The following GBE1 variants were observed in gnomAD, a reference collection of about 807,000 sequenced individuals.
The protein encoded by GBE1 is 1,4-alpha-glucan-branching enzyme.
Under a neutral mutation model 88.8 loss-of-function variants are expected in GBE1, and 70 were observed. That is an observed-to-expected ratio of 0.79 (90% CI 0.65 to 0.96). The LOEUF (loss-of-function observed/expected upper bound fraction) is 0.96. GBE1 is among the 40% of genes least tolerant of loss of function. GBE1 has a pLI of 0.00. For missense variants in GBE1, 872 were observed against 871.0 expected, an observed-to-expected ratio of 1.00 and a Z score of -0.01; for synonymous variants, 284 against 300.1, an observed-to-expected ratio of 0.95 and a Z score of 0.56.
At chr3:81,663,480 A>G (rs1412614716) in intron 3 of GBE1, among the ~76,000 whole-genome samples, 4 of 151,992 alleles carry the variant, frequency 2.6e-5, no homozygotes, top group Non-Finnish European at 4.4e-5. Flanking sequence ...GAAGGGCCCA[A>G]CTCCAGGGGA....
At chr3:81,658,894 A>C (rs1016426804) in intron 3 of GBE1, among the ~76,000 whole-genome samples, 3 of 152,208 alleles carry the variant, frequency 2.0e-5, no homozygotes, top group African/African-American at 7.2e-5. Context: ...GAAAAGGAAC[A>C]ATGCTGAGAT....
chr3:81,623,585 A>G lies in GBE1; in HGVS notation c.992+19196T>C, dbSNP rs1415818460. ...TTCCCAGGGTTCAGGAAGGTTGGGT[A>G]TCCAGTAGGTACTCAAACTTTTGTT... On this transcript the variant is annotated intron_variant, in intron 7 of 15. Coordinates refer to ENST00000429644, the MANE Select transcript of GBE1 (RefSeq NM_000158.4). Among the ~76,000 whole-genome samples the G allele has an allele frequency of 2.6e-5, 4 of 152,194 alleles. No individual in the cohort carries two copies. In the East Asian group the frequency reaches 7.7e-4, roughly 29 times the overall value.
chr3:81,647,042 C>T (rs868198724), intron 5 of GBE1, among the ~76,000 whole-genome samples: 25 of 151,438 alleles, frequency 1.7e-4, no homozygotes, highest in Middle Eastern at 6.8e-3. Context: ...CTGCAACCTC[C>T]ACCTCCCAGG....
At chr3:81,710,274 G>T (rs1705843476) in intron 1 of GBE1, among the ~76,000 whole-genome samples, 2 of 98,092 alleles carry the variant, frequency 2.0e-5, no homozygotes, top group Admixed American at 1.6e-4. Flanking sequence ...TCACTCTGTT[G>T]CCCAGGCTGG....
intron 12 of GBE1, among the ~76,000 whole-genome samples, chr3:81,573,769 C>CTGTG (rs1296703800): frequency 9.8e-6 from 1 of 101,828 alleles, no homozygotes; most frequent in African/African-American, 4.9e-5. Flanking sequence ...CTCTCTCTCT[C>CTGTG]TCTCTCTGTG....
intron 7 of GBE1, among the ~76,000 whole-genome samples, chr3:81,625,093 G>A (rs1248426191): frequency 6.7e-6 from 1 of 149,628 alleles, no homozygotes; most frequent in Non-Finnish European, 1.5e-5. Context: ...TGTTATGAGG[G>A]AGGGGGAGGG....
intron 14 of GBE1, among the ~76,000 whole-genome samples, chr3:81,530,157 C>T (rs1294158585): frequency 6.6e-6 from 1 of 151,820 alleles, no homozygotes; most frequent in Non-Finnish European, 1.5e-5. Context: ...CCCAGAATTT[C>T]TGCTTGATTT....
At chr3:81,665,409 G>A (rs1705099797) in intron 3 of GBE1, among the ~76,000 whole-genome samples, 1 of 151,904 alleles carries the variant, frequency 6.6e-6, no homozygotes, top group South Asian at 2.1e-4. Flanking sequence ...GGTGGCGGGC[G>A]CCTGTAGTCC....
intron 14 of GBE1, among the ~76,000 whole-genome samples, chr3:81,522,777 A>C (rs2106848746): frequency 6.6e-6 from 1 of 151,654 alleles, no homozygotes; most frequent in South Asian, 2.1e-4. Context: ...GTAACAGGCA[A>C]AATGTGGGAA....
intron 3 of GBE1, among the ~76,000 whole-genome samples, chr3:81,660,841 A>C (rs1231133411): frequency 6.6e-6 from 1 of 152,238 alleles, no homozygotes; most frequent in East Asian, 1.9e-4. Flanking sequence ...TAAATGTTTA[A>C]ATCATGAATG....
intron 2 of GBE1, among the ~76,000 whole-genome samples, chr3:81,673,198 TA>T (rs1389167588): frequency 6.6e-6 from 1 of 151,914 alleles, no homozygotes; most frequent in Non-Finnish European, 1.5e-5. Flanking sequence ...ATCTAGGTAC[TA>T]GAACACTATA....
At chr3:81,513,125 A>G (rs965129393) in intron 14 of GBE1, among the ~76,000 whole-genome samples, 1 of 151,674 alleles carries the variant, frequency 6.6e-6, no homozygotes, top group African/African-American at 2.4e-5. Context: ...ATCATTAGGG[A>G]ACATCTTCAT....
At chr3:81,498,738 G>T (rs1447211537) in intron 15 of GBE1, among the ~76,000 whole-genome samples, 1 of 152,066 alleles carries the variant, frequency 6.6e-6, no homozygotes, top group Non-Finnish European at 1.5e-5. Flanking sequence ...GTAGAAATCT[G>T]CTTAATATAA....
intron 11 of GBE1, among the ~76,000 whole-genome samples, chr3:81,580,138 C>A (rs1225389789): frequency 1.3e-5 from 2 of 152,114 alleles, no homozygotes; most frequent in African/African-American, 4.8e-5. Context: ...AATAAAGATA[C>A]TTTAAGTAAC....
At chr3:81,750,607 A>ATATGTG (rs1706501550) in intron 1 of GBE1, among the ~76,000 whole-genome samples, 1 of 80,142 alleles carries the variant, frequency 1.2e-5, no homozygotes, top group African/African-American at 7.2e-5. Flanking sequence ...ATATGTGTAT[A>ATATGTG]TATATATATG....
chr3:81,646,979 T>G (rs1704775070), intron 5 of GBE1, among the ~76,000 whole-genome samples: 1 of 146,776 alleles, frequency 6.8e-6, no homozygotes, highest in African/African-American at 2.6e-5. Flanking sequence ...TTTTTTGAGA[T>G]GGAGTCTCGC....
rs1192134058 is a variant in GBE1, at chr3:81,490,293, T to C, written c.*114A>G. On this transcript the variant is annotated 3_prime_UTR_variant, in exon 16 of 16. Coordinates refer to ENST00000429644, the MANE Select transcript of GBE1 (RefSeq NM_000158.4). ...CCAATATTGAATTTCAGACACTTGA[T>C]GGCTTGGCTAGACAACTGTATTCTG... The C allele has an allele frequency of 1.2e-6, 1 of 867,410 alleles. No individual in the cohort carries two copies. Among genetic ancestry groups the C allele is most frequent in the Non-Finnish European group, 1.9e-6 (1 of 525,158 alleles). The allele number at this position is 867,410 out of a possible 1,614,324, so 53.7% of individuals were successfully genotyped here.
At chr3:81,549,688 T>C (rs537065845) in intron 12 of GBE1, among the ~76,000 whole-genome samples, 1 of 151,558 alleles carries the variant, frequency 6.6e-6, no homozygotes, top group East Asian at 1.9e-4. Flanking sequence ...ACTTAAAAAA[T>C]AAAAGTCTTA....
chr3:81,560,215 C>T (rs999754767), intron 12 of GBE1, among the ~76,000 whole-genome samples: 1 of 151,796 alleles, frequency 6.6e-6, no homozygotes, highest in African/African-American at 2.4e-5. Flanking sequence ...TTTTTAAGTG[C>T]ACAGCATTTC....
Sources: allele counts gnomAD v4.1 joint callset (sites outside exome capture counted in the v4.1 genomes callset), GRCh38; gene constraint gnomAD v4.1.1; transcripts MANE v1.5; gene names NCBI Gene and HGNC (gene_info 2026-07-23, HGNC 2026-07-21).